The following PUM2 variants were observed in gnomAD, a reference collection of about 807,000 sequenced individuals.
The protein encoded by PUM2 is pumilio homolog 2.
A neutral mutation model predicts 124.5 loss-of-function variants in PUM2; 57 were observed. The ratio of observed to expected loss-of-function variants is 0.46; its 90% CI spans 0.37 to 0.57. The LOEUF (loss-of-function observed/expected upper bound fraction) is 0.57. Among genes scored for constraint, PUM2 ranks in the 20% least tolerant of loss-of-function variants. PUM2 has a pLI of 0.00. For synonymous variants in PUM2, 460 were observed against 446.1 expected (o/e 1.03, Z -0.39); for missense variants, 1,065 against 1,290.6 (o/e 0.83, Z 2.68).
chr2:20,299,236 G>T (rs1167453194), intron 7 of PUM2, among the ~76,000 whole-genome samples: 1 of 152,162 alleles, frequency 6.6e-6, no homozygotes, highest in African/African-American at 2.4e-5. Context: ...ATCCGACATT[G>T]TCTCTGGGTA....
chr2:20,344,937 A>G (rs1487647517), intron 1 of PUM2, among the ~76,000 whole-genome samples: 3 of 134,640 alleles, frequency 2.2e-5, no homozygotes, highest in African/African-American at 5.6e-5. Flanking sequence ...GAGTTGTGAT[A>G]GTGCCACTGC....
chr2:20,272,187 G>GAATGAATA lies in PUM2; in HGVS notation c.1957+6395_1957+6396insTATTCATT, dbSNP rs1459645366. ...TGAATGAATGAATGAATGAATGAAT[G>GAATGAATA]AATAAATAAATAAATAAATAGAAAA... On this transcript the variant is annotated intron_variant, in intron 13 of 20. Coordinates refer to ENST00000361078, the MANE Select transcript of PUM2 (RefSeq NM_015317.5). Among the ~76,000 whole-genome samples the GAATGAATA allele has an allele frequency of 1.8e-3, 262 of 147,486 alleles. 3 individuals carry two copies. In the East Asian group the frequency reaches 0.02, roughly 11 times the overall value.
chr2:20,263,849 AT>A (rs1666893190), intron 13 of PUM2, among the ~76,000 whole-genome samples: 1 of 152,180 alleles, frequency 6.6e-6, no homozygotes, highest in African/African-American at 2.4e-5. Flanking sequence ...ATAGACTGAA[AT>A]TCATTAGCAT....
chr2:20,333,245 T>C (rs963751621), intron 1 of PUM2, among the ~76,000 whole-genome samples: 3 of 152,160 alleles, frequency 2.0e-5, no homozygotes, highest in Non-Finnish European at 4.4e-5. Flanking sequence ...TAATCCAAAA[T>C]GTCAACAACT....
At chr2:20,345,744 C>T (rs1553412499) in intron 1 of PUM2, among the ~76,000 whole-genome samples, 2 of 152,014 alleles carry the variant, frequency 1.3e-5, no homozygotes, top group African/African-American at 2.4e-5. Context: ...TGGTGGTGGG[C>T]GCCTGTAATC....
At chr2:20,308,284 G>A (rs1678809717) in intron 6 of PUM2, 30 bp downstream of exon 6, 17 of 1,605,080 alleles carry the variant, frequency 1.1e-5, no homozygotes, top group Non-Finnish European at 1.4e-5. Flanking sequence ...CAGTTAAGAG[G>A]ACCTTCTTAA....
chr2:20,256,108 G>GTT lies in PUM2; in HGVS notation c.2545_2546dup (p.Asn849LysfsTer40). On this transcript the variant is annotated frameshift_variant, in exon 17 of 21. Coordinates refer to ENST00000361078, the MANE Select transcript of PUM2 (RefSeq NM_015317.5). LOFTEE classifies it high-confidence loss of function. ...ATTCGATACATTTTTGTACAACATGGTTTCCATTCTGATCTTTCACACATT... is the reference window on the plus strand; with the variant it reads ...ATTCGATACATTTTTGTACAACATGGTTTTTCCATTCTGATCTTTCACACATT... The GTT allele has an allele frequency of 6.2e-7, 1 of 1,601,818 alleles. No individual in the cohort carries two copies. The highest frequency in any genetic ancestry group is 8.5e-7 in the Non-Finnish European group (1 of 1,175,774).
intron 1 of PUM2, among the ~76,000 whole-genome samples, chr2:20,334,213 G>A (rs895685013): frequency 1.3e-5 from 2 of 152,150 alleles, no homozygotes; most frequent in Non-Finnish European, 1.5e-5. Flanking sequence ...TCAGGAGGCT[G>A]AGGTGGGAAG....
Position 20,327,841 on chromosome 2 carries a change from T to C in PUM2, c.-18-463A>G, listed in dbSNP as rs1313891809. On this transcript the variant is annotated intron_variant, in intron 1 of 20. Coordinates refer to ENST00000361078, the MANE Select transcript of PUM2 (RefSeq NM_015317.5). The stretch of plus-strand genomic sequence containing the variant: ...CACAGTCTAGAGCAACCAGAGCTGC[T>C]GGAAAGTAAGAAAGGGAATCCCAGA... Among the ~76,000 whole-genome samples the C allele has an allele frequency of 5.3e-5, 8 of 152,236 alleles. No homozygotes were observed. In the East Asian group the frequency reaches 9.6e-4, roughly 18 times the overall value.
chr2:20,251,792 TG>T, intron 20 of PUM2, 76 bp from the exon 21 acceptor site: 3 of 1,525,046 alleles, frequency 2.0e-6, no homozygotes, highest in African/African-American at 1.4e-5. Context: ...CCCCCAATTC[TG>T]GGTAATTTAG....
chr2:20,318,792 T>C, intron 2 of PUM2, 147 bp from the exon 3 acceptor site: 2 of 529,976 alleles, frequency 3.8e-6, no homozygotes, highest in Non-Finnish European at 6.4e-6. Context: ...GCTGTTTTGT[T>C]AATAGTAAAT....
chr2:20,294,682 T>C (rs1314603606), intron 8 of PUM2, among the ~76,000 whole-genome samples, 164 bp from the exon 9 acceptor site: 3 of 152,174 alleles, frequency 2.0e-5, no homozygotes, highest in Non-Finnish European at 4.4e-5. Context: ...GCAATGGTCT[T>C]AAAGGGAAAA....
At chr2:20,261,327 G>A (rs902437621) in intron 14 of PUM2, among the ~76,000 whole-genome samples, 1 of 144,182 alleles carries the variant, frequency 6.9e-6, no homozygotes, top group Non-Finnish European at 1.5e-5. Flanking sequence ...GGAGGCGGAG[G>A]AGGTTGCAGT....
chr2:20,348,182 T>C (rs1688611427), intron 1 of PUM2, among the ~76,000 whole-genome samples: 1 of 150,918 alleles, frequency 6.6e-6, no homozygotes, highest in Admixed American at 6.6e-5. Flanking sequence ...ATAATAATAA[T>C]AATAATAAAG....
chr2:20,262,524 C>T (rs1274871174), intron 14 of PUM2, among the ~76,000 whole-genome samples: 2 of 152,114 alleles, frequency 1.3e-5, no homozygotes, highest in African/African-American at 2.4e-5. Context: ...CACACAACAA[C>T]GTATTTTCTA....
At chr2:20,336,748 C>CTGTGTGTGTGTGTGTGTG (rs70939037) in intron 1 of PUM2, among the ~76,000 whole-genome samples, 4 of 97,430 alleles carry the variant, frequency 4.1e-5, no homozygotes, top group African/African-American at 1.3e-4. Context: ...CCAGGCTGAT[C>CTGTGTGTGTGTGTGTGTG]TGTGTGTGTG....
chr2:20,283,184 T>G lies in PUM2; in HGVS notation c.1483A>C (p.Thr495Pro). The change falls in exon 12 of 21, where the codon ACA becomes CCA. Residue 495 changes from threonine to proline, a missense_variant. Coordinates refer to ENST00000361078, the MANE Select transcript of PUM2 (RefSeq NM_015317.5). Reference sequence around the variant, plus strand: ...CCAATTGGCCGAAACAGACCATTTGTGCTGCCTGTAAGGCTACTTGCAGTT... The same window carrying G: ...CCAATTGGCCGAAACAGACCATTTGGGCTGCCTGTAAGGCTACTTGCAGTT... ...GGTASSLTGS[T>P]NGLFRPIGTQ... 1 of 1,614,136 alleles carries G rather than the reference T, an allele frequency of 6.2e-7. No individual in the cohort carries two copies. Among genetic ancestry groups the G allele is most frequent in the Admixed American group, 1.7e-5 (1 of 59,976 alleles).
intron 3 of PUM2, among the ~76,000 whole-genome samples, chr2:20,315,281 C>T (rs1008522171): frequency 6.6e-6 from 1 of 152,044 alleles, no homozygotes; most frequent in Middle Eastern, 3.4e-3. Context: ...TGTTCAAATG[C>T]CAAGAAGTGC....
intron 3 of PUM2, among the ~76,000 whole-genome samples, chr2:20,313,923 G>C (rs1006687011): frequency 6.7e-6 from 1 of 150,342 alleles, no homozygotes; most frequent in African/African-American, 2.4e-5. Flanking sequence ...CGGGTGGACT[G>C]CTTGACCTCA....
Sources: gnomAD v4.1 joint callset for allele counts (sites outside exome capture counted in the v4.1 genomes callset) on GRCh38, gnomAD v4.1.1 for gene constraint, MANE v1.5 for transcripts, NCBI Gene and HGNC (gene_info 2026-07-23, HGNC 2026-07-21) for gene names.